RAD51B: variants seen among roughly 807,000 people sequenced by gnomAD.
RAD51B encodes RAD51 paralog B.
A neutral mutation model predicts 42.2 loss-of-function variants in RAD51B; 38 were observed. The observed-to-expected ratio is 0.90, with a 90% CI of 0.70 to 1.18. The LOEUF (loss-of-function observed/expected upper bound fraction) is 1.18, where lower values mean the gene tolerates loss of function less well. Ranked by LOEUF, RAD51B falls within the 50% of genes most tolerant of loss-of-function variation. RAD51B has a pLI of 0.00. For missense variants in RAD51B, 373 were observed against 400.7 expected, an observed-to-expected ratio of 0.93 and a Z score of 0.59; for synonymous variants, 154 against 145.2, an observed-to-expected ratio of 1.06 and a Z score of -0.43.
Position 67,864,876 on chromosome 14 carries a change from G to A in RAD51B, c.316-127G>A, listed in dbSNP as rs894250459. On this transcript the variant is annotated intron_variant, in intron 4 of 10. Coordinates refer to ENST00000471583, the MANE Select transcript of RAD51B (RefSeq NM_133510.4). ...GATGTCTTGGGCTTAATTCTCTCCT[G>A]GGAACCCAGGTTAGTTGGACTGCAT... 5.8e-6 allele frequency: 8 copies of A among 1,368,406 alleles called. No individual in the cohort carries two copies. The African/African-American group carries it at 8.7e-5, about 15-fold the overall frequency. 84.8% of individuals were successfully genotyped at this position (1,368,406 alleles called of 1,614,324 possible).
intron 4 of RAD51B, among the ~76,000 whole-genome samples, chr14:67,842,810 C>T (rs1013368491): frequency 3.9e-5 from 6 of 152,176 alleles, no homozygotes; most frequent in Non-Finnish European, 8.8e-5. Flanking sequence ...GTGGGTTTGT[C>T]ATAAATGGGT....
At position 68,086,223 on chromosome 14, in the gene RAD51B, T is replaced by C. The variant is rs547385704; in HGVS notation, c.756+199019T>C. 2.6e-5 allele frequency among the ~76,000 whole-genome samples: 4 copies of C among 152,208 alleles called. No homozygotes were observed. In the East Asian group the frequency reaches 7.8e-4, roughly 29 times the overall value. On this transcript the variant is annotated intron_variant, in intron 7 of 10. Transcript: ENST00000471583. ...AGTTGGGCCGCCCAGAGGCCGGGGC[T>C]CTCCAACGACTGCCCCAGCCAAACT...
chr14:68,295,511 G>A (rs561757233), intron 8 of RAD51B, among the ~76,000 whole-genome samples: 1 of 152,252 alleles, frequency 6.6e-6, no homozygotes, highest in South Asian at 2.1e-4. Flanking sequence ...GCCAGGGCTC[G>A]CTTTTTACAG....
chr14:68,557,302 A>G (rs748667636), intron 10 of RAD51B, among the ~76,000 whole-genome samples: 29 of 152,198 alleles, frequency 1.9e-4, no homozygotes, highest in Non-Finnish European at 3.4e-4. Context: ...CGCCTACCGT[A>G]CACATGCTCA....
At chr14:68,236,071 G>A (rs2080250522) in intron 7 of RAD51B, among the ~76,000 whole-genome samples, 2 of 152,112 alleles carry the variant, frequency 1.3e-5, no homozygotes, top group South Asian at 4.1e-4. Context: ...GTGGAGGGAG[G>A]CAGGAGGGTG....
At chr14:68,246,905 G>A (rs149561924) in intron 7 of RAD51B, among the ~76,000 whole-genome samples, 1 of 152,306 alleles carries the variant, frequency 6.6e-6, no homozygotes, top group African/African-American at 2.4e-5. Flanking sequence ...TGGTTTCTGA[G>A]CAGCTCTAAG....
At chr14:68,607,794 G>A (rs1251493312) in intron 10 of RAD51B, among the ~76,000 whole-genome samples, 1 of 152,176 alleles carries the variant, frequency 6.6e-6, no homozygotes, top group Non-Finnish European at 1.5e-5. Flanking sequence ...GCCATTCTGC[G>A]GGGTGCTGGG....
chr14:67,846,191 A>G (rs1018316512), intron 4 of RAD51B, among the ~76,000 whole-genome samples: 2 of 152,184 alleles, frequency 1.3e-5, no homozygotes, highest in Non-Finnish European at 1.5e-5. Flanking sequence ...CGGCGCTGCC[A>G]GCCTCTGTGT....
At chr14:68,095,650 C>T (rs185594690) in intron 7 of RAD51B, among the ~76,000 whole-genome samples, 8 of 152,068 alleles carry the variant, frequency 5.3e-5, no homozygotes, top group East Asian at 1.9e-4. Flanking sequence ...ACTTTGTTTA[C>T]GCCTAATTAC....
intron 10 of RAD51B, among the ~76,000 whole-genome samples, chr14:68,560,865 C>T (rs1159985604): frequency 6.6e-6 from 1 of 152,132 alleles, no homozygotes; most frequent in Non-Finnish European, 1.5e-5. Context: ...TACTTGACTT[C>T]GCTTCTGGAA....
At chr14:68,269,669 G>T (rs1458209765) in intron 7 of RAD51B, among the ~76,000 whole-genome samples, 1 of 152,186 alleles carries the variant, frequency 6.6e-6, no homozygotes, top group Non-Finnish European at 1.5e-5. Context: ...TGACTAGGGG[G>T]TCTCACTCTA....
chr14:68,652,992 A>G (rs1203729031), intron 11 of RAD51B, among the ~76,000 whole-genome samples: 1 of 152,244 alleles, frequency 6.6e-6, no homozygotes, highest in East Asian at 1.9e-4. Flanking sequence ...GTCCACTCTG[A>G]TAATAGGCTG....
Position 68,658,666 on chromosome 14 carries a change from C to T in RAD51B, c.*11+7810C>T, listed in dbSNP as rs553445254. 7.2e-5 allele frequency among the ~76,000 whole-genome samples: 11 copies of T among 152,302 alleles called. No individual in the cohort carries two copies. The East Asian group carries it at 2.1e-3, about 29-fold the overall frequency. On this transcript the variant is annotated intron_variant, in intron 11 of 11. Coordinates refer to the RAD51B transcript ENST00000488612. ...TCACCTACAGAAAGTCACCTAGAGA[C>T]TCTGCCTCAGGGTTCTCCCTGCCTT...
Position 67,861,753 on chromosome 14 carries a change from G to A in RAD51B, c.316-3250G>A, listed in dbSNP as rs75338851. On this transcript the variant is annotated intron_variant, in intron 4 of 10. Transcript: ENST00000471583. ...GTTACTTCATTTCTTCAAGGTAAAG[G>A]TAATGTTTTAACAAGGAGTGAAAAT... Among the ~76,000 whole-genome samples, 128 of 152,194 alleles carry A rather than the reference G, an allele frequency of 8.4e-4. 1 individual carries two copies. Among genetic ancestry groups the A allele is most frequent in the African/African-American group, 2.8e-3 (118 of 41,528 alleles).
chr14:68,315,614 C>T (rs879817283), intron 8 of RAD51B, among the ~76,000 whole-genome samples: 28 of 152,106 alleles, frequency 1.8e-4, no homozygotes, highest in Non-Finnish European at 3.2e-4. Context: ...CTCCACCTCC[C>T]GGGTTCACAC....
intron 7 of RAD51B, among the ~76,000 whole-genome samples, chr14:68,020,269 C>G (rs2140348020): frequency 6.6e-6 from 1 of 152,190 alleles, no homozygotes; most frequent in Admixed American, 6.5e-5. Context: ...GCCACCATGC[C>G]TGGCTAATTT....
intron 8 of RAD51B, among the ~76,000 whole-genome samples, chr14:68,300,401 G>T (rs1410755069): frequency 6.6e-6 from 1 of 151,838 alleles, no homozygotes; most frequent in Admixed American, 6.6e-5. Context: ...GTAGAGACAG[G>T]GTCTTGCTAT....
chr14:67,995,933 A>G (rs979411231), intron 7 of RAD51B, among the ~76,000 whole-genome samples: 1 of 152,022 alleles, frequency 6.6e-6, no homozygotes, highest in Non-Finnish European at 1.5e-5. Flanking sequence ...CTTCATTTTT[A>G]AAAAATCTGC....
At chr14:68,116,421 C>CA (rs2077549598) in intron 7 of RAD51B, among the ~76,000 whole-genome samples, 1 of 150,364 alleles carries the variant, frequency 6.7e-6, no homozygotes, top group African/African-American at 2.4e-5. Flanking sequence ...GCATAAGTAG[C>CA]ATGATTTGAA....
Sources: gnomAD v4.1 joint callset for allele counts (sites outside exome capture counted in the v4.1 genomes callset) on GRCh38, gnomAD v4.1.1 for gene constraint, MANE v1.5 for transcripts, NCBI Gene and HGNC (gene_info 2026-07-23, HGNC 2026-07-21) for gene names.